The following NCAM2 variants were observed in gnomAD, a reference collection of about 807,000 sequenced individuals.
NCAM2 encodes N-CAM-2.
NCAM2 carries 30 observed loss-of-function variants against 98.1 expected under a neutral mutation model. That is an observed-to-expected ratio of 0.31 (90% CI 0.23 to 0.41). The LOEUF (loss-of-function observed/expected upper bound fraction) is 0.41. NCAM2 is among the 10% of genes least tolerant of loss of function. The pLI, the probability that NCAM2 is intolerant of heterozygous loss-of-function variation, is 1.00. For missense variants in NCAM2, 867 were observed against 1,005.8 expected, an observed-to-expected ratio of 0.86 and a Z score of 1.87; for synonymous variants, 368 against 342.4, an observed-to-expected ratio of 1.07 and a Z score of -0.83.
chr21:21,017,750 C>T (rs2064343100), intron 1 of NCAM2, among the ~76,000 whole-genome samples: 1 of 151,930 alleles, frequency 6.6e-6, no homozygotes, highest in Non-Finnish European at 1.5e-5. Flanking sequence ...TTTTTCTTTG[C>T]CAGGCACTTG....
intron 1 of NCAM2, among the ~76,000 whole-genome samples, chr21:21,217,733 A>G (rs544345328): frequency 1.3e-5 from 2 of 152,116 alleles, no homozygotes; most frequent in Non-Finnish European, 2.9e-5. Flanking sequence ...AGAGGAAGCT[A>G]ATGGGTCAGT....
chr21:21,461,110 T>G lies in NCAM2; in HGVS notation c.1655-5496T>G, dbSNP rs539868297. 2.4e-3 allele frequency among the ~76,000 whole-genome samples: 365 copies of G among 152,018 alleles called. 1 individual carries two copies. The highest frequency in any genetic ancestry group is 4.4e-3 in the Non-Finnish European group (299 of 67,826). ...GCATTTAGACTATAGAAGGAAATGT[T>G]TAGTAATTACACATTTGTGATATTT... is the stretch of plus-strand genomic sequence containing the variant. On this transcript the variant is annotated intron_variant, in intron 12 of 17. Transcript: ENST00000400546.
intron 9 of NCAM2, chr21:21,385,668 A>T: frequency 7.8e-7 from 1 of 1,285,982 alleles, no homozygotes; most frequent in Non-Finnish European, 1.0e-6. Context: ...TACTTTACTA[A>T]GAAGCAGGAA....
intron 1 of NCAM2, among the ~76,000 whole-genome samples, chr21:21,050,637 A>G (rs137967516): frequency 2.2e-4 from 33 of 152,264 alleles, no homozygotes; most frequent in African/African-American, 7.2e-4. Context: ...TCCCAACAAC[A>G]CCTGTCATTG....
chr21:21,387,105 T>A (rs1458641743), intron 9 of NCAM2, among the ~76,000 whole-genome samples: 1 of 151,912 alleles, frequency 6.6e-6, no homozygotes, highest in Non-Finnish European at 1.5e-5. Context: ...GAGATTAGGA[T>A]GCTAGCACGG....
chr21:21,001,428 A>G (rs1034746959), intron 1 of NCAM2, among the ~76,000 whole-genome samples: 5 of 152,168 alleles, frequency 3.3e-5, no homozygotes, highest in Admixed American at 3.3e-4. Context: ...AAATGCTGTA[A>G]TTCTGTAACT....
At chr21:21,456,775 C>A (rs1227279121) in intron 12 of NCAM2, among the ~76,000 whole-genome samples, 1 of 152,080 alleles carries the variant, frequency 6.6e-6, no homozygotes, top group Non-Finnish European at 1.5e-5. Context: ...GCAAAATGCT[C>A]ATGAGTAGGA....
intron 1 of NCAM2, among the ~76,000 whole-genome samples, chr21:21,040,539 C>T (rs1055463420): frequency 6.6e-6 from 1 of 151,856 alleles, no homozygotes; most frequent in African/African-American, 2.4e-5. Flanking sequence ...GACAAACCTA[C>T]ATGTCCATCA....
chr21:21,150,107 T>G (rs1482992608), intron 1 of NCAM2, among the ~76,000 whole-genome samples: 1 of 152,134 alleles, frequency 6.6e-6, no homozygotes, highest in Non-Finnish European at 1.5e-5. Context: ...TTATGTGAAA[T>G]TTTTTTCTAA....
In NCAM2 at chr21:21,508,808, CTTTTTTTTTTTTTTTTTTTTT is replaced by C; in HGVS notation, c.2078-31_2078-11del. 2.0e-5 allele frequency: 8 copies of C among 410,252 alleles called. 1 individual carries two copies. The highest frequency in any genetic ancestry group is 2.9e-5 in the Non-Finnish European group (8 of 273,964). 25.4% of individuals were successfully genotyped at this position (410,252 alleles called of 1,614,324 possible). ...ATTTAGAGGTTTAATACTTTTTTTC[CTTTTTTTTTTTTTTTTTTTTT>C]TTTTTTTTTTTACTTTTTAAGACAC... On this transcript the variant is annotated intron_variant, in intron 15 of 17. Coordinates refer to ENST00000400546, the MANE Select transcript of NCAM2 (RefSeq NM_004540.5).
intron 1 of NCAM2, among the ~76,000 whole-genome samples, chr21:21,213,171 A>C (rs1204676551): frequency 6.6e-6 from 1 of 152,098 alleles, no homozygotes; most frequent in African/African-American, 2.4e-5. Flanking sequence ...TTACTTTTTA[A>C]TTGATGACCT....
intron 1 of NCAM2, among the ~76,000 whole-genome samples, chr21:21,227,325 G>T (rs1039759532): frequency 6.6e-5 from 10 of 151,572 alleles, no homozygotes; most frequent in African/African-American, 2.4e-4. Context: ...ACAAAGAAAA[G>T]GTAGTTACTA....
At chr21:21,428,095 C>T (rs567722772) in intron 11 of NCAM2, among the ~76,000 whole-genome samples, 1 of 152,264 alleles carries the variant, frequency 6.6e-6, no homozygotes, top group African/African-American at 2.4e-5. Context: ...GTCTCTTAAT[C>T]CAGCACTTTG....
intron 2 of NCAM2, among the ~76,000 whole-genome samples, chr21:21,280,898 C>T (rs769398381): frequency 3.3e-5 from 5 of 151,976 alleles, no homozygotes; most frequent in Non-Finnish European, 5.9e-5. Context: ...TCTCCTGCCT[C>T]AGCCTCTTCA....
chr21:21,014,268 A>G (rs2064265054), intron 1 of NCAM2, among the ~76,000 whole-genome samples: 2 of 152,070 alleles, frequency 1.3e-5, no homozygotes, highest in Admixed American at 1.3e-4. Context: ...TACTAAAAAT[A>G]CAAAAATTAG....
At chr21:21,185,770 C>T (rs2146937177) in intron 1 of NCAM2, among the ~76,000 whole-genome samples, 1 of 152,184 alleles carries the variant, frequency 6.6e-6, no homozygotes, top group South Asian at 2.1e-4. Context: ...CATGTTCACA[C>T]ATAAATTTAC....
chr21:21,292,564 T>C (rs1369410156), intron 5 of NCAM2, among the ~76,000 whole-genome samples: 1 of 151,968 alleles, frequency 6.6e-6, no homozygotes, highest in African/African-American at 2.4e-5. Flanking sequence ...TACTTTTAAA[T>C]TACATGAATT....
At chr21:21,181,981 C>G (rs945376148) in intron 1 of NCAM2, among the ~76,000 whole-genome samples, 2 of 150,694 alleles carry the variant, frequency 1.3e-5, no homozygotes, top group Non-Finnish European at 3.0e-5. Context: ...TTGCTTGATC[C>G]CAGGAGTTTG....
rs111741608 is a variant in NCAM2, at chr21:21,071,265, G to T, written c.55+72647G>T. On this transcript the variant is annotated intron_variant, in intron 1 of 17. Coordinates refer to ENST00000400546, the MANE Select transcript of NCAM2 (RefSeq NM_004540.5). ...TTGAAAGAAAAGGAAGGAACATGAG[G>T]AATGAAGGGAACAAATGAGAAACAT... Among the ~76,000 whole-genome samples, 57 of 152,254 alleles carry T rather than the reference G, an allele frequency of 3.7e-4. 1 individual carries two copies. The highest frequency in any genetic ancestry group is 1.3e-3 in the African/African-American group (55 of 41,558).
Sources: allele counts gnomAD v4.1 joint callset (sites outside exome capture counted in the v4.1 genomes callset), GRCh38; gene constraint gnomAD v4.1.1; transcripts MANE v1.5; gene names NCBI Gene and HGNC (gene_info 2026-07-23, HGNC 2026-07-21).